Variants in NDE1 observed in about 807,000 individuals in gnomAD.
The protein encoded by NDE1 is nudE neurodevelopment protein 1, also known as nuclear distribution protein nudE homolog 1.
A neutral mutation model predicts 43.4 loss-of-function variants in NDE1; 28 were observed. The ratio of observed to expected loss-of-function variants is 0.65; its 90% CI spans 0.48 to 0.89. The LOEUF (loss-of-function observed/expected upper bound fraction) is 0.89. NDE1 is among the 40% of genes least tolerant of loss of function. NDE1 has a pLI of 0.00. For missense variants in NDE1, 441 were observed against 434.1 expected (o/e 1.02, Z -0.14); for synonymous variants, 184 against 172.0 (o/e 1.07, Z -0.55).
At chr16:15,655,750 C>T (rs1426907357) in intron 1 of NDE1, among the ~76,000 whole-genome samples, 1 of 151,928 alleles carries the variant, frequency 6.6e-6, no homozygotes, top group Admixed American at 6.6e-5. Context: ...CAATGATAGA[C>T]TGGATTAAGA....
At chr16:15,665,864 C>A (rs2037277077) in intron 2 of NDE1, among the ~76,000 whole-genome samples, 1 of 151,514 alleles carries the variant, frequency 6.6e-6, no homozygotes, top group Non-Finnish European at 1.5e-5. Context: ...TCAATCGATT[C>A]TCTTGCCTCA....
chr16:15,704,121 C>T lies in NDE1; in HGVS notation c.947+7261C>T, dbSNP rs769356338. 35 of 1,613,992 alleles carry T rather than the reference C, an allele frequency of 2.2e-5. No homozygotes were observed. The highest frequency in any genetic ancestry group is 2.8e-5 in the Non-Finnish European group (33 of 1,179,972). On this transcript the variant is annotated intron_variant, in intron 8 of 8. Transcript: ENST00000396354. ...AGGAACGAAAGAGGTCTCGTTTCCT[C>T]GCCTGTGGGTTGTAAGAAAACACAT... is the stretch of plus-strand genomic sequence containing the variant.
chr16:15,718,447 A>C, intron 8 of NDE1: 1 of 1,553,012 alleles, frequency 6.4e-7, no homozygotes, highest in Non-Finnish European at 8.7e-7. Context: ...TCCTGGGGGA[A>C]GGGCGGCCAT....
chr16:15,720,451 G>T, intron 8 of NDE1: 3 of 1,251,540 alleles, frequency 2.4e-6, no homozygotes, highest in Non-Finnish European at 3.4e-6. Flanking sequence ...TTGCAGATGA[G>T]AAAACGGAAT....
Position 15,693,975 on chromosome 16 carries a change from T to G in NDE1, c.704-190T>G, listed in dbSNP as rs188623326. Among the ~76,000 whole-genome samples, 494 of 152,256 alleles carry G rather than the reference T, an allele frequency of 3.2e-3. 4 individuals carry two copies. Among genetic ancestry groups the G allele is most frequent in the Non-Finnish European group, 5.3e-3 (362 of 68,012 alleles). On this transcript the variant is annotated intron_variant, in intron 6 of 8. Coordinates refer to ENST00000396354, the MANE Select transcript of NDE1 (RefSeq NM_017668.3). Reference sequence around the variant, plus strand: ...ATTTGTTGCAGTCATCACAAGGACTTGAAAAATTGGTTGTCATACGGGCCT... The same window carrying G: ...ATTTGTTGCAGTCATCACAAGGACTGGAAAAATTGGTTGTCATACGGGCCT...
chr16:15,714,891 G>GGGCC, intron 8 of NDE1: 1 of 1,612,722 alleles, frequency 6.2e-7, no homozygotes, highest in Non-Finnish European at 8.5e-7. Flanking sequence ...GGGTCCTCCC[G>GGGCC]GGCCACGGGC....
intron 6 of NDE1, among the ~76,000 whole-genome samples, chr16:15,692,227 G>A (rs1239731845): frequency 6.6e-6 from 1 of 152,208 alleles, no homozygotes; most frequent in Admixed American, 6.5e-5. Flanking sequence ...TGCTGTCCCC[G>A]TTTGATGAAA....
At chr16:15,717,852 T>A (rs2040247054) in intron 8 of NDE1, 1 of 264,002 alleles carries the variant, frequency 3.8e-6, no homozygotes, top group African/African-American at 2.2e-5. Context: ...GAGTGACTTG[T>A]CCCTTGCTTT....
intron 1 of NDE1, among the ~76,000 whole-genome samples, chr16:15,663,926 G>A (rs537810443): frequency 4.6e-5 from 7 of 152,148 alleles, no homozygotes; most frequent in African/African-American, 1.4e-4. Context: ...AATTAGCCAG[G>A]CGTGGTGGCG....
chr16:15,678,022 G>C, intron 4 of NDE1, 73 bp downstream of exon 4: 2 of 1,571,122 alleles, frequency 1.3e-6, no homozygotes. Context: ...CTGGGTACTG[G>C]GCCCTGTGCT....
At chr16:15,668,435 T>C (rs2037424710) in intron 3 of NDE1, among the ~76,000 whole-genome samples, 1 of 152,176 alleles carries the variant, frequency 6.6e-6, no homozygotes, top group Non-Finnish European at 1.5e-5. Flanking sequence ...TGGTTAGTTT[T>C]TGTATTTTTT....
chr16:15,698,766 C>A (rs1316452645), intron 8 of NDE1, among the ~76,000 whole-genome samples: 1 of 151,438 alleles, frequency 6.6e-6, no homozygotes, highest in East Asian at 1.9e-4. Context: ...GTGGCTGAGG[C>A]ACAAGAATCA....
At position 15,724,181 on chromosome 16, in the gene NDE1, T is replaced by G. The variant is rs775809843; in HGVS notation, c.948-10T>G. The G allele has an allele frequency of 9.8e-5, 158 of 1,613,720 alleles. No individual in the cohort carries two copies. The highest frequency in any genetic ancestry group is 1.1e-4 in the Non-Finnish European group (134 of 1,180,050). ...TCTACCTGATCAAATTTCCTCTGCT[T>G]CTTTTCCAGGTTGGACACGAGTTGC... On this transcript the variant is annotated splice_polypyrimidine_tract_variant and intron_variant, in intron 8 of 8. Coordinates refer to ENST00000396354, the MANE Select transcript of NDE1 (RefSeq NM_017668.3).
intron 8 of NDE1, among the ~76,000 whole-genome samples, chr16:15,723,835 A>C (rs879073640): frequency 6.6e-6 from 1 of 152,202 alleles, no homozygotes; most frequent in Non-Finnish European, 1.5e-5. Context: ...CTCAATAGGT[A>C]TTCAGTAAAT....
intron 5 of NDE1, among the ~76,000 whole-genome samples, 154 bp from the exon 6 acceptor site, chr16:15,690,990 T>C (rs1053185751): frequency 1.3e-5 from 2 of 152,078 alleles, no homozygotes; most frequent in Non-Finnish European, 2.9e-5. Context: ...GTATTTTCAA[T>C]AGAGATGAGG....
chr16:15,685,401 G>A (rs148011767), intron 4 of NDE1, among the ~76,000 whole-genome samples: 2 of 151,946 alleles, frequency 1.3e-5, no homozygotes, highest in African/African-American at 2.4e-5. Context: ...CTACAGGCAC[G>A]CATCATGCAC....
At chr16:15,703,541 T>C (rs2039295983) in intron 8 of NDE1, 1 of 327,714 alleles carries the variant, frequency 3.1e-6, no homozygotes, top group Non-Finnish European at 5.7e-6. Flanking sequence ...TTCTCATCTC[T>C]TACATCATAC....
intron 2 of NDE1, among the ~76,000 whole-genome samples, chr16:15,666,885 C>A (rs1432975309): frequency 6.6e-6 from 1 of 152,192 alleles, no homozygotes; most frequent in Non-Finnish European, 1.5e-5. Context: ...CCACTGTACC[C>A]AGCCCTTCCT....
intron 8 of NDE1, chr16:15,704,259 G>A (rs555769054): frequency 3.9e-5 from 37 of 939,100 alleles, no homozygotes; most frequent in South Asian, 2.9e-5. Flanking sequence ...AAACACACAC[G>A]GCACAAATAA....
Sources: gnomAD v4.1 joint callset for allele counts (sites outside exome capture counted in the v4.1 genomes callset) on GRCh38, gnomAD v4.1.1 for gene constraint, MANE v1.5 for transcripts, NCBI Gene and HGNC (gene_info 2026-07-23, HGNC 2026-07-21) for gene names.